YTHDC1: variants seen among roughly 807,000 people sequenced by gnomAD.
The protein encoded by YTHDC1 is YTH N6-methyladenosine RNA binding protein C1, also known as YTH domain-containing protein 1.
In YTHDC1, 12 loss-of-function variants were observed where a neutral mutation model predicts 107.0. That is an observed-to-expected ratio of 0.11 (90% CI 0.07 to 0.18). YTHDC1 has a LOEUF of 0.18. Among genes scored for constraint, YTHDC1 ranks in the 10% least tolerant of loss-of-function variants. YTHDC1 has a pLI of 1.00. For missense variants in YTHDC1, 635 were observed against 898.8 expected (o/e 0.71, Z 3.75); for synonymous variants, 280 against 289.5 (o/e 0.97, Z 0.33).
intron 1 of YTHDC1, among the ~76,000 whole-genome samples, chr4:68,345,947 TAA>T (rs1266549264): frequency 6.6e-6 from 1 of 152,064 alleles, no homozygotes; most frequent in Non-Finnish European, 1.5e-5. Context: ...TTATGCCACC[TAA>T]GTTTGTGTAA....
intron 1 of YTHDC1, 54 bp downstream of exon 1, chr4:68,349,671 AC>A (rs1322045528): frequency 2.2e-5 from 22 of 978,846 alleles, no homozygotes; most frequent in Non-Finnish European, 2.9e-5. Flanking sequence ...CTGCTCCATC[AC>A]CCCACTCCCG....
rs747017762 is a variant in YTHDC1, at chr4:68,314,329, A to T, written c.1960-6T>A. On this transcript the variant is annotated splice_region_variant and splice_polypyrimidine_tract_variant and intron_variant, in intron 16 of 16. Coordinates refer to ENST00000344157, the MANE Select transcript of YTHDC1 (RefSeq NM_001031732.4). ...ACCCTCATATCATAATCATGCTAGAAAAGGAAAGAAATGTGTTAGGTATGT... is the reference window on the plus strand; with the variant it reads ...ACCCTCATATCATAATCATGCTAGATAAGGAAAGAAATGTGTTAGGTATGT... The T allele has an allele frequency of 6.2e-7, 1 of 1,613,864 alleles. No individual in the cohort carries two copies. The highest frequency in any genetic ancestry group is 1.7e-5 in the Admixed American group (1 of 60,014).
chr4:68,320,802 A>C (rs1442547243), intron 11 of YTHDC1, among the ~76,000 whole-genome samples: 1 of 152,126 alleles, frequency 6.6e-6, no homozygotes, highest in East Asian at 1.9e-4. Flanking sequence ...CTTAATAGTT[A>C]AAAAACTATT....
Position 68,314,333 on chromosome 4 carries a change from G to C in YTHDC1, c.1960-10C>G. ...TCATATCATAATCATGCTAGAAAAG[G>C]AAAGAAATGTGTTAGGTATGTCAAA... On this transcript the variant is annotated splice_polypyrimidine_tract_variant and intron_variant, in intron 16 of 16. Transcript: ENST00000344157. 6.2e-7 allele frequency: 1 copy of C among 1,613,352 alleles called. No homozygotes were observed. The highest frequency in any genetic ancestry group is 8.5e-7 in the Non-Finnish European group (1 of 1,179,848).
At chr4:68,317,556 A>G (rs962234534) in intron 15 of YTHDC1, among the ~76,000 whole-genome samples, 6 of 152,224 alleles carry the variant, frequency 3.9e-5, no homozygotes, top group African/African-American at 1.2e-4. Context: ...GCTATCTTCA[A>G]TATCTTAAAA....
chr4:68,337,199 CTCCTCCTCT>C lies in YTHDC1; in HGVS notation c.702_710del (p.Glu247_Glu249del), dbSNP rs899073251. 1.2e-6 allele frequency: 2 copies of C among 1,601,222 alleles called. No individual in the cohort carries two copies. The highest frequency in any genetic ancestry group is 1.7e-6 in the Non-Finnish European group (2 of 1,168,986). Reference sequence around the variant, plus strand: ...CCTCCTCCTCCTCCTCCTCTTCCTCCTCCTCCTCTTCCTCCTCCTCCTCTCCATCTTCAT... The same window carrying C: ...CCTCCTCCTCCTCCTCCTCTTCCTCCTCCTCCTCCTCCTCTCCATCTTCAT... On this transcript the variant is annotated inframe_deletion, in exon 4 of 17. Coordinates refer to ENST00000344157, the MANE Select transcript of YTHDC1 (RefSeq NM_001031732.4).
intron 4 of YTHDC1, among the ~76,000 whole-genome samples, chr4:68,334,534 A>G (rs1436366349): frequency 6.6e-6 from 1 of 152,106 alleles, no homozygotes; most frequent in African/African-American, 2.4e-5. Flanking sequence ...GATGTTTTAT[A>G]CTATTTTTGA....
chr4:68,334,433 G>C (rs538463864), intron 4 of YTHDC1, among the ~76,000 whole-genome samples: 49 of 151,102 alleles, frequency 3.2e-4, no homozygotes, highest in Non-Finnish European at 4.9e-4. Context: ...GAATTAGACA[G>C]GCAGTTAGGC....
At chr4:68,328,387 T>C (rs1723217357) in intron 9 of YTHDC1, among the ~76,000 whole-genome samples, 1 of 152,130 alleles carries the variant, frequency 6.6e-6, no homozygotes. Flanking sequence ...CAACTTTAAT[T>C]ATAACTTAAT....
In YTHDC1 at chr4:68,312,104, G is replaced by T; in HGVS notation, c.*1995C>A. Reference sequence around the variant, plus strand: ...GCCACTGCCCTCCACCTGGGCGACAGACTCCATCTCCAAAACATTTATTAA... The same window carrying T: ...GCCACTGCCCTCCACCTGGGCGACATACTCCATCTCCAAAACATTTATTAA... On this transcript the variant is annotated 3_prime_UTR_variant, in exon 17 of 17. Transcript: ENST00000344157. 1 of 152,178 alleles carries T rather than the reference G, an allele frequency of 6.6e-6. No homozygotes were observed. The highest frequency in any genetic ancestry group is 1.5e-5 in the Non-Finnish European group (1 of 68,038). 9.4% of individuals were successfully genotyped at this position (152,178 alleles called of 1,614,324 possible).
intron 1 of YTHDC1, chr4:68,344,223 AC>A (rs1368807849): frequency 2.6e-5 from 4 of 151,994 alleles, no homozygotes; most frequent in East Asian, 1.9e-4. Context: ...AAAAAAAAAA[AC>A]AAACTCATGA....
At chr4:68,318,919 TA>T (rs1377558012) in intron 12 of YTHDC1, 57 bp from the exon 13 acceptor site, 1 of 1,569,644 alleles carries the variant, frequency 6.4e-7, no homozygotes, top group East Asian at 2.3e-5. Flanking sequence ...TTTATGGCAT[TA>T]TAATTAAACC....
chr4:68,350,031 A>T lies in YTHDC1; in HGVS notation c.-278T>A. ...GGGGAGGGAAGGGAAACAGATGGCG[A>T]CGGCGGGCGGCGCTAAAATGGAGCC... On this transcript the variant is annotated 5_prime_UTR_variant, in exon 1 of 17. Transcript: ENST00000344157. 1 of 549,846 alleles carries T rather than the reference A, an allele frequency of 1.8e-6. No individual in the cohort carries two copies. Among genetic ancestry groups the T allele is most frequent in the Non-Finnish European group, 3.2e-6 (1 of 309,308 alleles). 34.1% of individuals were successfully genotyped at this position (549,846 alleles called of 1,614,324 possible). A position where few individuals can be genotyped will look rare whatever the true frequency, so the allele number is the denominator to read the frequency against.
At chr4:68,340,979 G>T (rs1445381955) in intron 1 of YTHDC1, among the ~76,000 whole-genome samples, 1 of 152,102 alleles carries the variant, frequency 6.6e-6, no homozygotes, top group African/African-American at 2.4e-5. Flanking sequence ...TGTAGTTTTA[G>T]AAAGCACCTA....
At chr4:68,325,908 A>T (rs1043978400) in intron 9 of YTHDC1, among the ~76,000 whole-genome samples, 1 of 152,298 alleles carries the variant, frequency 6.6e-6, no homozygotes, top group African/African-American at 2.4e-5. Flanking sequence ...TCACCCATCA[A>T]GAGTGAGTCA....
intron 6 of YTHDC1, 145 bp downstream of exon 6, chr4:68,332,649 G>C (rs1219568070): frequency 4.4e-6 from 3 of 687,668 alleles, no homozygotes; most frequent in Non-Finnish European, 7.2e-6. Context: ...CAGACACAGA[G>C]CTTTCTATGT....
intron 16 of YTHDC1, among the ~76,000 whole-genome samples, chr4:68,315,043 T>A (rs943070342): frequency 6.6e-6 from 1 of 152,144 alleles, no homozygotes; most frequent in African/African-American, 2.4e-5. Context: ...TAAAGATCCA[T>A]AAAATAGAAC....
intron 1 of YTHDC1, among the ~76,000 whole-genome samples, chr4:68,349,236 A>C (rs754220043): frequency 2.0e-5 from 3 of 152,250 alleles, no homozygotes; most frequent in Non-Finnish European, 4.4e-5. Context: ...TAACAGGAAC[A>C]GCCAGAAGTT....
intron 11 of YTHDC1, among the ~76,000 whole-genome samples, chr4:68,321,131 T>C (rs1452247876): frequency 6.6e-6 from 1 of 152,138 alleles, no homozygotes; most frequent in Non-Finnish European, 1.5e-5. Context: ...CCAAAATATT[T>C]AGAAAATAAA....
Sources: gnomAD v4.1 joint callset for allele counts (sites outside exome capture counted in the v4.1 genomes callset) on GRCh38, gnomAD v4.1.1 for gene constraint, MANE v1.5 for transcripts, NCBI Gene and HGNC (gene_info 2026-07-23, HGNC 2026-07-21) for gene names.